The following BAZ1A variants were observed in gnomAD, a reference collection of about 807,000 sequenced individuals.
BAZ1A encodes bromodomain adjacent to zinc finger domain 1A, also known as bromodomain adjacent to zinc finger domain protein 1A.
BAZ1A carries 50 observed loss-of-function variants against 185.2 expected under a neutral mutation model. The ratio of observed to expected loss-of-function variants is 0.27; its 90% CI spans 0.22 to 0.34. The LOEUF is 0.34. Ranked by LOEUF, BAZ1A falls within the 10% of genes least tolerant of loss-of-function variation. BAZ1A has a pLI of 1.00. For synonymous variants in BAZ1A, 571 were observed against 615.6 expected (o/e 0.93, Z 1.07); for missense variants, 1,356 against 1,839.9 (o/e 0.74, Z 4.81).
intron 12 of BAZ1A, among the ~76,000 whole-genome samples, chr14:34,787,129 C>T (rs1880510447): frequency 6.6e-6 from 1 of 150,866 alleles, no homozygotes; most frequent in Non-Finnish European, 1.5e-5. Flanking sequence ...CTGAGGTAGG[C>T]GGATCACGAG....
In BAZ1A at chr14:34,764,727, A is replaced by G. The variant is rs1229072049; in HGVS notation, c.3756T>C (p.Ser1252=). ...EYEVEQDEDD[S]QEEEEVSLPK... ...CTTACCTGACTTCTTCCTCTTCTTG[A>G]GAGTCATCTTCATCTTGTTCTACCT... The change falls in exon 23 of 27, where the codon TCT becomes TCC. Residue 1252 remains serine, a synonymous_variant. Transcript: ENST00000360310. The G allele has an allele frequency of 1.2e-6, 2 of 1,609,568 alleles. No homozygotes were observed. Among genetic ancestry groups the G allele is most frequent in the South Asian group, 2.2e-5 (2 of 90,838 alleles).
chr14:34,773,434 G>C (rs578147920), intron 20 of BAZ1A, 138 bp downstream of exon 20: 1 of 710,350 alleles, frequency 1.4e-6, no homozygotes, highest in African/African-American at 1.9e-5. Flanking sequence ...TCAGTCCAAT[G>C]GTTACAAATA....
In BAZ1A at chr14:34,870,947, T is replaced by C. The variant is rs540310997; in HGVS notation, c.113+3545A>G. 7.9e-5 allele frequency among the ~76,000 whole-genome samples: 12 copies of C among 152,298 alleles called. No homozygotes were observed. The East Asian group carries it at 2.3e-3, about 29-fold the overall frequency. On this transcript the variant is annotated intron_variant, in intron 2 of 26. Transcript: ENST00000360310. ...TAAACCTCTTCCAATGAAAAGCCAG[T>C]GTGAAACATAATTTGGACCACCTGT...
At chr14:34,828,383 C>T (rs2042192905) in intron 3 of BAZ1A, among the ~76,000 whole-genome samples, 1 of 151,888 alleles carries the variant, frequency 6.6e-6, no homozygotes, top group Admixed American at 6.6e-5. Flanking sequence ...GTTTTCTCTC[C>T]ACACTCCCTC....
intron 3 of BAZ1A, among the ~76,000 whole-genome samples, chr14:34,844,777 G>GCACACACA (rs4007479): frequency 1.7e-4 from 15 of 86,870 alleles, no homozygotes; most frequent in East Asian, 8.0e-4. Flanking sequence ...ACACACACGC[G>GCACACACA]CACACACACA....
In BAZ1A at chr14:34,753,716, AAG is replaced by A. The variant is rs771403786; in HGVS notation, c.4475-14_4475-13del. 2 of 1,538,152 alleles carry A rather than the reference AAG, an allele frequency of 1.3e-6. No individual in the cohort carries two copies. Among genetic ancestry groups the A allele is most frequent in the Non-Finnish European group, 1.8e-6 (2 of 1,134,920 alleles). On this transcript the variant is annotated splice_polypyrimidine_tract_variant and intron_variant, in intron 26 of 26. Transcript: ENST00000360310. Reference sequence around the variant, plus strand: ...ATCAATAAACTCAGCTAGAAAGGGAAAGAGACAAAAAGATTAGAATGAAAGTA... The same window carrying A: ...ATCAATAAACTCAGCTAGAAAGGGAAAGACAAAAAGATTAGAATGAAAGTA...
chr14:34,767,607 C>G (rs1878937150), intron 21 of BAZ1A, among the ~76,000 whole-genome samples: 1 of 152,102 alleles, frequency 6.6e-6, no homozygotes, highest in Non-Finnish European at 1.5e-5. Flanking sequence ...ATTTATTTCT[C>G]CCCTGTCATT....
At chr14:34,859,161 G>C (rs1314420416) in intron 3 of BAZ1A, among the ~76,000 whole-genome samples, 1 of 152,102 alleles carries the variant, frequency 6.6e-6, no homozygotes, top group Non-Finnish European at 1.5e-5. Context: ...CACAGAAAAG[G>C]CCAGGTGCAG....
intron 24 of BAZ1A, among the ~76,000 whole-genome samples, chr14:34,759,121 G>T (rs1486080228): frequency 7.7e-6 from 1 of 129,426 alleles, no homozygotes; most frequent in East Asian, 2.6e-4. Context: ...GAACACAAAA[G>T]TTTTTGGATT....
chr14:34,765,597 T>C (rs1301266146), intron 21 of BAZ1A, among the ~76,000 whole-genome samples: 2 of 152,228 alleles, frequency 1.3e-5, no homozygotes, highest in Non-Finnish European at 2.9e-5. Context: ...TGGTTACATA[T>C]GATTCCAAGT....
chr14:34,766,110 C>G (rs980640322), intron 21 of BAZ1A, among the ~76,000 whole-genome samples: 4 of 152,166 alleles, frequency 2.6e-5, no homozygotes, highest in African/African-American at 9.7e-5. Flanking sequence ...CCCATATGAA[C>G]TTGGGCAAGT....
chr14:34,801,784 C>T (rs1015734233), intron 7 of BAZ1A, among the ~76,000 whole-genome samples: 10 of 152,028 alleles, frequency 6.6e-5, no homozygotes, highest in African/African-American at 1.9e-4. Flanking sequence ...TGGCATGCAC[C>T]GGCAGCCCCA....
In BAZ1A at chr14:34,788,304, ATTTTTC is replaced by A. The variant is rs532382496; in HGVS notation, c.1511-2089_1511-2084del. 3.3e-3 allele frequency among the ~76,000 whole-genome samples: 482 copies of A among 145,572 alleles called. 1 individual carries two copies. Among genetic ancestry groups the A allele is most frequent in the South Asian group, 7.6e-3 (35 of 4,590 alleles). ...AGCGTGAACCACCATGCTCAGCCTC[ATTTTTC>A]TTTTTCTTTTTGAGACAGGGTTTGA... On this transcript the variant is annotated intron_variant, in intron 12 of 26. Transcript: ENST00000360310.
chr14:34,756,351 G>A (rs1306742475), intron 25 of BAZ1A, among the ~76,000 whole-genome samples: 3 of 151,356 alleles, frequency 2.0e-5, no homozygotes, highest in Non-Finnish European at 4.4e-5. Context: ...TCTTGACCTC[G>A]TGATCTGCCC....
At position 34,862,048 on chromosome 14, in the gene BAZ1A, C is replaced by T; in HGVS notation, c.388G>A (p.Ala130Thr). The T allele has an allele frequency of 6.2e-7, 1 of 1,613,458 alleles. No individual in the cohort carries two copies. Among genetic ancestry groups the T allele is most frequent in the Non-Finnish European group, 8.5e-7 (1 of 1,179,508 alleles). Residue 130 changes from alanine (A) to threonine (T), a missense_variant, in exon 3 of 27, where the codon GCA (alanine) becomes ACA (threonine). Physicochemically the swap from Ala to Thr is moderately conservative, Grantham distance 58. Coordinates refer to ENST00000360310, the MANE Select transcript of BAZ1A (RefSeq NM_013448.3). The part of the protein sequence containing the change: ...ETVEVIRNNG[A>T]RLQCRILEVL... ...GAAAAATTAAAAGTACTTTACCTTG[C>T]ACCATTGTTCCTAATGACTTCCACA...
intron 3 of BAZ1A, among the ~76,000 whole-genome samples, chr14:34,843,099 T>C (rs1278855531): frequency 1.3e-5 from 2 of 148,544 alleles, no homozygotes; most frequent in African/African-American, 4.9e-5. Flanking sequence ...GACTATAATG[T>C]AAGAAAACTA....
intron 4 of BAZ1A, among the ~76,000 whole-genome samples, chr14:34,825,395 C>T (rs770474219): frequency 5.3e-5 from 7 of 133,138 alleles, no homozygotes; most frequent in Non-Finnish European, 6.1e-5. Context: ...TTCAGTGAGC[C>T]GAGATTGCAC....
chr14:34,771,458 C>G (rs41309244), intron 21 of BAZ1A, 53 bp downstream of exon 21: 135,931 of 1,525,350 alleles, frequency 0.089, 6,696 homozygotes, highest in Non-Finnish European at 0.1. Context: ...TAAAGGCCAA[C>G]TCAAAATTAC....
chr14:34,833,064 C>T lies in BAZ1A; in HGVS notation c.393-6908G>A, dbSNP rs189511105. Reference sequence around the variant, plus strand: ...ATAGGCTGGGCAACAGAGTGAGACCCCCAACTCTACAAAACAAAAATTTAA... The same window carrying T: ...ATAGGCTGGGCAACAGAGTGAGACCTCCAACTCTACAAAACAAAAATTTAA... On this transcript the variant is annotated intron_variant, in intron 3 of 26. Coordinates refer to ENST00000360310, the MANE Select transcript of BAZ1A (RefSeq NM_013448.3). 3.0e-4 allele frequency among the ~76,000 whole-genome samples: 46 copies of T among 152,130 alleles called. 1 individual carries two copies. The highest frequency in any genetic ancestry group is 1.0e-3 in the African/African-American group (43 of 41,498).
Sources: gnomAD v4.1 joint callset for allele counts (sites outside exome capture counted in the v4.1 genomes callset) on GRCh38, gnomAD v4.1.1 for gene constraint, MANE v1.5 for transcripts, NCBI Gene and HGNC (gene_info 2026-07-23, HGNC 2026-07-21) for gene names.